Variants in SV2B observed in about 807,000 individuals in gnomAD.
SV2B encodes the protein solute carrier family 22 member B2.
SV2B carries 41 observed loss-of-function variants against 73.9 expected under a neutral mutation model. That is an observed-to-expected ratio of 0.56 (90% confidence interval 0.43 to 0.72). SV2B has a LOEUF of 0.72. Among genes scored for constraint, SV2B ranks in the 30% least tolerant of loss-of-function variants. The pLI is 0.00. For missense variants in SV2B, 764 were observed against 857.8 expected (o/e 0.89, Z 1.37); for synonymous variants, 314 against 314.2 (o/e 1.00, Z 0.01).
rs957036939 is a variant in SV2B, at chr15:91,280,712, G to A, written c.1374-1016G>A. 3.9e-5 allele frequency among the ~76,000 whole-genome samples: 6 copies of A among 152,188 alleles called. No homozygotes were observed. Among genetic ancestry groups the A allele is most frequent in the South Asian group, 2.1e-4 (1 of 4,836 alleles). ...CCACATGTGGCTGCGCCTCAGAATC[G>A]TCTAGGTGCCTTATTGTCTTTTTAA... On this transcript the variant is annotated intron_variant, in intron 9 of 12. Coordinates refer to ENST00000394232, the MANE Select transcript of SV2B (RefSeq NM_001323032.3). This position sits in a 1 kb window ranked among gnomAD's most constrained non-coding sequence, Gnocchi z 5.8.
intron 1 of SV2B, among the ~76,000 whole-genome samples, chr15:91,193,938 C>G (rs1336050151): frequency 6.6e-6 from 1 of 151,974 alleles, no homozygotes; most frequent in East Asian, 1.9e-4. Context: ...TTTTGTAGGG[C>G]AAATGTGGAA....
In SV2B at chr15:91,241,643, C is replaced by T. The variant is rs1041307835; in HGVS notation, c.452-10176C>T. On this transcript the variant is annotated intron_variant, in intron 2 of 12. Transcript: ENST00000394232. This position sits in a 1 kb window ranked among gnomAD's most constrained non-coding sequence, Gnocchi z 4.8. ...AGAACTTCTATAGCCCCTGTTATCACACCTACCTTCCTCGCTGCCTCTGTG... is the reference window on the plus strand; with the variant it reads ...AGAACTTCTATAGCCCCTGTTATCATACCTACCTTCCTCGCTGCCTCTGTG... Among the ~76,000 whole-genome samples, 1 of 151,722 alleles carries T rather than the reference C, an allele frequency of 6.6e-6. No individual in the cohort carries two copies. The highest frequency in any genetic ancestry group is 2.4e-5 in the African/African-American group (1 of 41,426).
intron 1 of SV2B, among the ~76,000 whole-genome samples, chr15:91,111,187 C>T (rs773989089): frequency 3.9e-5 from 6 of 152,132 alleles, no homozygotes; most frequent in South Asian, 2.1e-4. Flanking sequence ...TGTCAGAGGC[C>T]GGGCTAGTCC....
intron 1 of SV2B, among the ~76,000 whole-genome samples, chr15:91,158,741 T>C (rs7175511): frequency 5.7e-5 from 5 of 87,380 alleles, no homozygotes; most frequent in Non-Finnish European, 7.1e-5. Context: ...CTCCTCTTTT[T>C]TCTCTCTCTG....
intron 1 of SV2B, among the ~76,000 whole-genome samples, chr15:91,120,535 G>T (rs2042303080): frequency 6.6e-6 from 1 of 152,150 alleles, no homozygotes; most frequent in Non-Finnish European, 1.5e-5. Flanking sequence ...ATAGAGGGCA[G>T]GCACGGTGGC....
At chr15:91,192,995 T>G (rs1172998095) in intron 1 of SV2B, among the ~76,000 whole-genome samples, 1 of 152,214 alleles carries the variant, frequency 6.6e-6, no homozygotes, top group African/African-American at 2.4e-5. Flanking sequence ...ATGTTTCCTC[T>G]CTGAAATGAA....
intron 6 of SV2B, among the ~76,000 whole-genome samples, chr15:91,263,531 GAC>G (rs1227162596): frequency 2.0e-5 from 3 of 149,644 alleles, no homozygotes; most frequent in African/African-American, 7.4e-5. Context: ...GAGACACACA[GAC>G]ACACATTAAG....
At chr15:91,108,305 C>T (rs1050909619) in intron 1 of SV2B, among the ~76,000 whole-genome samples, 4 of 152,190 alleles carry the variant, frequency 2.6e-5, no homozygotes, top group African/African-American at 9.7e-5. Context: ...ACTAACCTCC[C>T]TTCTCTGCAA....
Position 91,270,890 on chromosome 15 carries a change from T to C in SV2B, c.1373+2285T>C, listed in dbSNP as rs113042278. The stretch of plus-strand genomic sequence containing the variant: ...ATGGGCGGACGGTGAATCTTGTGGA[T>C]GATGGGAGGACGGTGAGTCCTGTGG... On this transcript the variant is annotated intron_variant, in intron 9 of 12. Transcript: ENST00000394232. 5.4e-3 allele frequency among the ~76,000 whole-genome samples: 643 copies of C among 119,736 alleles called. 35 individuals carry two copies. Among genetic ancestry groups the C allele is most frequent in the Middle Eastern group, 0.017 (3 of 176 alleles). 78.6% of individuals were successfully genotyped at this position (119,736 alleles called of 152,430 possible). A position where few individuals can be genotyped will look rare whatever the true frequency, so the allele number is the denominator to read the frequency against.
At chr15:91,286,654 A>G (rs561950391) in intron 11 of SV2B, among the ~76,000 whole-genome samples, 2 of 152,260 alleles carry the variant, frequency 1.3e-5, no homozygotes, top group East Asian at 1.9e-4. Flanking sequence ...AATATTGAAC[A>G]TGTGTTCAAT....
intron 1 of SV2B, among the ~76,000 whole-genome samples, chr15:91,133,468 A>G (rs927764848): frequency 6.6e-6 from 1 of 151,454 alleles, no homozygotes; most frequent in African/African-American, 2.4e-5. Flanking sequence ...ATGATAGTCT[A>G]TTTTGGAGGG....
rs1218052378 is a variant in SV2B at position 91,281,263 on chromosome 15, T to C, written c.1374-465T>C. ...GATTATATTCTACCAATAGTATGAATGAAAGGCCTATTTCCCCACATCTTT... is the reference window on the plus strand; with the variant it reads ...GATTATATTCTACCAATAGTATGAACGAAAGGCCTATTTCCCCACATCTTT... On this transcript the variant is annotated intron_variant, in intron 9 of 12. Coordinates refer to ENST00000394232, the MANE Select transcript of SV2B (RefSeq NM_001323032.3). The surrounding 1 kb of genome is among the most constrained non-coding windows in gnomAD (Gnocchi z 4.7). Among the ~76,000 whole-genome samples, 1 of 152,214 alleles carries C rather than the reference T, an allele frequency of 6.6e-6. No individual in the cohort carries two copies. The highest frequency in any genetic ancestry group is 1.5e-5 in the Non-Finnish European group (1 of 68,026).
chr15:91,212,288 C>A (rs1409407088), intron 1 of SV2B, among the ~76,000 whole-genome samples: 1 of 152,228 alleles, frequency 6.6e-6, no homozygotes, highest in Non-Finnish European at 1.5e-5. Flanking sequence ...TACCCCAAAT[C>A]TATCTCTGTG....
chr15:91,125,636 ATGG>A (rs1346620014), intron 1 of SV2B, among the ~76,000 whole-genome samples: 1 of 151,620 alleles, frequency 6.6e-6, no homozygotes, highest in African/African-American at 2.4e-5. Context: ...TTAGCCAGTC[ATGG>A]TGGTGCACGC....
intron 4 of SV2B, among the ~76,000 whole-genome samples, chr15:91,257,435 A>T (rs996232890): frequency 5.9e-5 from 9 of 152,182 alleles, no homozygotes; most frequent in African/African-American, 2.2e-4. Context: ...ACCCATGAGG[A>T]TATTCAAAAC....
At chr15:91,138,413 G>C (rs914974823) in intron 1 of SV2B, among the ~76,000 whole-genome samples, 77 of 152,146 alleles carry the variant, frequency 5.1e-4, no homozygotes, top group African/African-American at 1.8e-3. Context: ...CACAGTTCTA[G>C]ACTGACCTAT....
rs1596798830 is a variant in SV2B, at chr15:91,288,188, C to G, written c.1709-1333C>G. ...TAGCACCGCCTTTCTTCAGGTTTCC[C>G]TTCAATAGCCCATGTACAGGTGTGT... On this transcript the variant is annotated intron_variant, in intron 11 of 12. Coordinates refer to ENST00000394232, the MANE Select transcript of SV2B (RefSeq NM_001323032.3). This position sits in a 1 kb window ranked among gnomAD's most constrained non-coding sequence, Gnocchi z 5.8. Among the ~76,000 whole-genome samples the G allele has an allele frequency of 1.3e-5, 2 of 152,240 alleles. 1 individual carries two copies. The highest frequency in any genetic ancestry group is 3.9e-4 in the East Asian group (2 of 5,180).
chr15:91,116,422 T>C (rs2042180053), intron 1 of SV2B, among the ~76,000 whole-genome samples: 1 of 152,198 alleles, frequency 6.6e-6, no homozygotes, highest in Non-Finnish European at 1.5e-5. Flanking sequence ...AATTGTGTAA[T>C]AATTTTTGAG....
At chr15:91,168,785 AT>A (rs1236193466) in intron 1 of SV2B, among the ~76,000 whole-genome samples, 3 of 152,226 alleles carry the variant, frequency 2.0e-5, no homozygotes, top group Non-Finnish European at 4.4e-5. Flanking sequence ...CTTTATCTAA[AT>A]TGTCCAGAGA....
Sources: gnomAD v4.1 joint callset for allele counts (sites outside exome capture counted in the v4.1 genomes callset) on GRCh38, gnomAD v4.1.1 for gene constraint, Gnocchi (gnomAD v3.1) non-coding constraint, MANE v1.5 for transcripts, NCBI Gene and HGNC (gene_info 2026-07-23, HGNC 2026-07-21) for gene names.